The following LNPEP variants were observed in gnomAD, a reference collection of about 807,000 sequenced individuals.
LNPEP encodes leucyl-cystinyl aminopeptidase.
A neutral mutation model predicts 120.6 loss-of-function variants in LNPEP; 64 were observed. The observed-to-expected ratio is 0.53, with a 90% CI of 0.43 to 0.65. The LOEUF is 0.65. Among genes scored for constraint, LNPEP ranks in the 30% least tolerant of loss-of-function variants. LNPEP has a pLI of 0.00. For missense variants in LNPEP, 1,057 were observed against 1,200.0 expected, an observed-to-expected ratio of 0.88 and a Z score of 1.76; for synonymous variants, 435 against 425.4, an observed-to-expected ratio of 1.02 and a Z score of -0.28.
intron 1 of LNPEP, among the ~76,000 whole-genome samples, chr5:96,953,064 C>T (rs1236808047): frequency 6.6e-6 from 1 of 152,018 alleles, no homozygotes; most frequent in African/African-American, 2.4e-5. Flanking sequence ...TAGGATTGAT[C>T]TGCTTTCTCA....
chr5:96,942,652 CAAAAA>C (rs71617155), intron 1 of LNPEP, among the ~76,000 whole-genome samples: 1 of 94,518 alleles, frequency 1.1e-5, no homozygotes. Context: ...GACTCCATCT[CAAAAA>C]AAAAAAAAAA....
In LNPEP at chr5:96,954,618, C is replaced by CTCTATA. The variant is rs1554066312; in HGVS notation, c.19+18445_19+18446insCTATAT. Among the ~76,000 whole-genome samples the CTCTATA allele has an allele frequency of 5.4e-4, 31 of 57,536 alleles. 3 individuals are homozygous for CTCTATA. Among genetic ancestry groups the CTCTATA allele is most frequent in the Admixed American group, 1.3e-3 (8 of 6,374 alleles). 37.7% of individuals were successfully genotyped at this position (57,536 alleles called of 152,430 possible). A position where few individuals can be genotyped will look rare whatever the true frequency, so the allele number is the denominator to read the frequency against. On this transcript the variant is annotated intron_variant, in intron 1 of 17. Transcript: ENST00000231368. Reference sequence around the variant, plus strand: ...TGCAAGTCTCTCTCTCTCTCTCTCTCTATATATATATATACATATATACAT... The same window carrying CTCTATA: ...TGCAAGTCTCTCTCTCTCTCTCTCTCTCTATATATATATATATATACATATATACAT...
At chr5:97,010,165 T>G (rs758391578) in intron 11 of LNPEP, 4 of 564,244 alleles carry the variant, frequency 7.1e-6, no homozygotes, top group Non-Finnish European at 9.0e-6. Flanking sequence ...AATTATATTT[T>G]TTAAAGTTTC....
Position 96,942,785 on chromosome 5 carries a change from A to C in LNPEP, c.19+6611A>C, listed in dbSNP as rs375678513. ...ATATACCTAGTGTAAATGACGACTT[A>C]ATTGGTGCAGCACACCAACATAGCA... On this transcript the variant is annotated intron_variant, in intron 1 of 17. Coordinates refer to ENST00000231368, the MANE Select transcript of LNPEP (RefSeq NM_005575.3). The C allele has an allele frequency of 2.6e-5, 4 of 152,274 alleles. 1 individual carries two copies. Among genetic ancestry groups the C allele is most frequent in the East Asian group, 3.8e-4 (2 of 5,198 alleles). 9.4% of individuals were successfully genotyped at this position (152,274 alleles called of 1,614,324 possible). A position where few individuals can be genotyped will look rare whatever the true frequency, so the allele number is the denominator to read the frequency against.
At chr5:97,022,603 G>A in intron 14 of LNPEP, 119 bp downstream of exon 14, 2 of 816,588 alleles carry the variant, frequency 2.4e-6, no homozygotes, top group Non-Finnish European at 3.8e-6. Context: ...GTCAGTGTAG[G>A]TGAACTCTAT....
intron 8 of LNPEP, among the ~76,000 whole-genome samples, chr5:97,001,911 G>C (rs1194439468): frequency 5.3e-5 from 8 of 152,140 alleles, no homozygotes; most frequent in Non-Finnish European, 2.9e-5. Flanking sequence ...AGGCCAAGGT[G>C]GGTGGATCAC....
chr5:97,021,671 G>A (rs1190404561), intron 13 of LNPEP, among the ~76,000 whole-genome samples: 1 of 152,032 alleles, frequency 6.6e-6, no homozygotes, highest in Non-Finnish European at 1.5e-5. Context: ...CTGAGTATAT[G>A]CAGCATAAAG....
Position 97,027,861 on chromosome 5 carries a change from C to T in LNPEP, c.2946+47C>T, listed in dbSNP as rs147763645. 190 of 1,106,468 alleles carry T rather than the reference C, an allele frequency of 1.7e-4. 1 individual carries two copies. The African/African-American group carries it at 2.7e-3, about 16-fold the overall frequency. The allele number at this position is 1,106,468 out of a possible 1,614,324, so 68.5% of individuals were successfully genotyped here. On this transcript the variant is annotated intron_variant, in intron 17 of 17. Coordinates refer to ENST00000231368, the MANE Select transcript of LNPEP (RefSeq NM_005575.3). ...TACAGAGACTGGGCAACCCTCCGCACACCCGGACCAGGCTGCTCAGTTTTA... is the reference window on the plus strand; with the variant it reads ...TACAGAGACTGGGCAACCCTCCGCATACCCGGACCAGGCTGCTCAGTTTTA...
At chr5:96,941,429 T>G (rs1789053923) in intron 1 of LNPEP, among the ~76,000 whole-genome samples, 1 of 152,188 alleles carries the variant, frequency 6.6e-6, no homozygotes, top group African/African-American at 2.4e-5. Flanking sequence ...GGCCTTTCCA[T>G]AGTATAATTG....
intron 13 of LNPEP, 42 bp downstream of exon 13, chr5:97,015,137 A>ATATTG: frequency 1.4e-6 from 2 of 1,426,328 alleles, no homozygotes; most frequent in Non-Finnish European, 1.9e-6. Flanking sequence ...TTTATCTTTA[A>ATATTG]TATTGTTATT....
chr5:97,032,376 T>C lies in LNPEP; in HGVS notation c.*3843T>C, dbSNP rs1056683578. On this transcript the variant is annotated 3_prime_UTR_variant, in exon 18 of 18. Coordinates refer to ENST00000231368, the MANE Select transcript of LNPEP (RefSeq NM_005575.3). ...TACCTGAAAAGTAGCGGTTCAAAAG[T>C]ATGGTAAATCTCCTCCCTTAACCTT... is the stretch of plus-strand genomic sequence containing the variant. 2 of 152,212 alleles carry C rather than the reference T, an allele frequency of 1.3e-5. No individual in the cohort carries two copies. Among genetic ancestry groups the C allele is most frequent in the Admixed American group, 6.5e-5 (1 of 15,280 alleles). 9.4% of individuals were successfully genotyped at this position (152,212 alleles called of 1,614,324 possible).
intron 11 of LNPEP, among the ~76,000 whole-genome samples, chr5:97,012,977 A>G (rs1367447989): frequency 6.6e-6 from 1 of 152,172 alleles, no homozygotes; most frequent in African/African-American, 2.4e-5. Context: ...TCCTTTGCTA[A>G]CATGACAAAA....
At chr5:97,008,679 TTTTGAGACAGAGTCTCGCTCTGTTG>T (rs1790850985) in intron 11 of LNPEP, among the ~76,000 whole-genome samples, 1 of 145,688 alleles carries the variant, frequency 6.9e-6, no homozygotes, top group Non-Finnish European at 1.5e-5. Flanking sequence ...TTTTTTTTTT[TTTTGAGACAGAGTCTCGCTCTGTTG>T]CCCAGGTGAG....
At chr5:97,022,739 A>T (rs1215441542) in intron 14 of LNPEP, among the ~76,000 whole-genome samples, 3 of 147,750 alleles carry the variant, frequency 2.0e-5, no homozygotes, top group African/African-American at 7.5e-5. Context: ...TGCACCCATT[A>T]ACTCGTCATT....
chr5:97,035,992 C>T lies in LNPEP; in HGVS notation c.*7459C>T, dbSNP rs1010382465. The T allele has an allele frequency of 6.6e-6, 1 of 152,130 alleles. No individual in the cohort carries two copies. Among genetic ancestry groups the T allele is most frequent in the Non-Finnish European group, 1.5e-5 (1 of 68,020 alleles). 9.4% of individuals were successfully genotyped at this position (152,130 alleles called of 1,614,324 possible). A position where few individuals can be genotyped will look rare whatever the true frequency, so the allele number is the denominator to read the frequency against. ...AAAGCTGTGTTTAAACTTCATTGCT[C>T]ATATATCTTTTAGTAACTGGTAAAC... On this transcript the variant is annotated 3_prime_UTR_variant, in exon 18 of 18. Coordinates refer to ENST00000231368, the MANE Select transcript of LNPEP (RefSeq NM_005575.3).
chr5:97,027,854 C>A, intron 17 of LNPEP, 40 bp downstream of exon 17: 1 of 1,182,456 alleles, frequency 8.5e-7, no homozygotes, highest in Non-Finnish European at 1.3e-6. Flanking sequence ...CTGGGCAACC[C>A]TCCGCACACC....
intron 1 of LNPEP, among the ~76,000 whole-genome samples, chr5:96,948,277 C>G (rs755612190): frequency 2.0e-5 from 3 of 152,006 alleles, no homozygotes; most frequent in Non-Finnish European, 4.4e-5. Flanking sequence ...ACCACCATGC[C>G]CGGCTAATTT....
At chr5:96,957,572 CA>C (rs1452253954) in intron 1 of LNPEP, among the ~76,000 whole-genome samples, 6 of 152,048 alleles carry the variant, frequency 3.9e-5, no homozygotes, top group Non-Finnish European at 8.8e-5. Context: ...GAGTCAGTAT[CA>C]GAGTGACAAA....
At position 97,009,951 on chromosome 5, in the gene LNPEP, A is replaced by C. The variant is rs573018666; in HGVS notation, c.2035+3436A>C. On this transcript the variant is annotated intron_variant, in intron 11 of 17. Coordinates refer to ENST00000231368, the MANE Select transcript of LNPEP (RefSeq NM_005575.3). Reference sequence around the variant, plus strand: ...CTTGATGGTTGGTTAAATCTTTAATATATTTTCTTTCTTTTTTTAAATATA... The same window carrying C: ...CTTGATGGTTGGTTAAATCTTTAATCTATTTTCTTTCTTTTTTTAAATATA... Among the ~76,000 whole-genome samples, 5 of 152,220 alleles carry C rather than the reference A, an allele frequency of 3.3e-5. No homozygotes were observed. In the South Asian group the frequency reaches 1.0e-3, roughly 32 times the overall value.
Sources: gnomAD v4.1 joint callset for allele counts (sites outside exome capture counted in the v4.1 genomes callset) on GRCh38, gnomAD v4.1.1 for gene constraint, MANE v1.5 for transcripts, NCBI Gene and HGNC (gene_info 2026-07-23, HGNC 2026-07-21) for gene names.